The following ADGRA3 variants were observed in gnomAD, a reference collection of about 807,000 sequenced individuals.
ADGRA3 encodes the protein G-protein coupled receptor 125.
In ADGRA3, 56 loss-of-function variants were observed where a neutral mutation model predicts 119.8. The observed-to-expected ratio is 0.47, with a 90% CI of 0.38 to 0.58. The LOEUF (loss-of-function observed/expected upper bound fraction) is 0.58. ADGRA3 is among the 20% of genes least tolerant of loss of function. The pLI, the probability that ADGRA3 is intolerant of heterozygous loss-of-function variation, is 0.00. For synonymous variants in ADGRA3, 607 were observed against 623.8 expected (o/e 0.97, Z 0.40); for missense variants, 1,516 against 1,649.0 (o/e 0.92, Z 1.40).
chr4:22,464,385 T>G (rs576468907), intron 2 of ADGRA3, among the ~76,000 whole-genome samples: 26 of 152,304 alleles, frequency 1.7e-4, no homozygotes, highest in African/African-American at 5.8e-4. Flanking sequence ...ATTTAAATGG[T>G]CAGAAAAGGT....
chr4:22,515,364 G>A (rs750854210), intron 1 of ADGRA3, 164 bp downstream of exon 1: 3 of 769,836 alleles, frequency 3.9e-6, no homozygotes, highest in Non-Finnish European at 5.6e-6. Context: ...GCCTTTCCCT[G>A]AACTGCACCC....
intron 1 of ADGRA3, among the ~76,000 whole-genome samples, chr4:22,505,058 A>T (rs370209232): frequency 6.6e-6 from 1 of 152,170 alleles, no homozygotes; most frequent in South Asian, 2.1e-4. Flanking sequence ...GCCTAGTGCA[A>T]AGCGCTCTGG....
chr4:22,398,876 C>T (rs1464630296), intron 16 of ADGRA3, among the ~76,000 whole-genome samples: 1 of 152,142 alleles, frequency 6.6e-6, no homozygotes, highest in Admixed American at 6.5e-5. Flanking sequence ...CACGTGCACA[C>T]AGGCAAGGTT....
chr4:22,417,476 C>T (rs1715475816), intron 12 of ADGRA3, among the ~76,000 whole-genome samples: 1 of 152,162 alleles, frequency 6.6e-6, no homozygotes, highest in African/African-American at 2.4e-5. Flanking sequence ...ACTTAATCCT[C>T]TCAACAACCC....
intron 1 of ADGRA3, among the ~76,000 whole-genome samples, chr4:22,508,933 G>A (rs188794254): frequency 3.9e-5 from 6 of 152,116 alleles, no homozygotes; most frequent in Admixed American, 2.0e-4. Context: ...TAGAAGCAAC[G>A]GGGCCAAAAT....
At chr4:22,483,191 A>C (rs752667354) in intron 1 of ADGRA3, among the ~76,000 whole-genome samples, 3 of 151,618 alleles carry the variant, frequency 2.0e-5, no homozygotes, top group Non-Finnish European at 1.5e-5. Flanking sequence ...TTCTCTCTTT[A>C]TTTTTCATAG....
At chr4:22,497,060 C>T (rs1050468371) in intron 1 of ADGRA3, among the ~76,000 whole-genome samples, 4 of 152,068 alleles carry the variant, frequency 2.6e-5, no homozygotes, top group African/African-American at 9.7e-5. Context: ...ACTTTTGGGG[C>T]GAATCATAAC....
At chr4:22,427,687 G>C (rs989666639) in intron 10 of ADGRA3, among the ~76,000 whole-genome samples, 2 of 152,106 alleles carry the variant, frequency 1.3e-5, no homozygotes, top group Non-Finnish European at 2.9e-5. Context: ...GGCAAAAAGT[G>C]ACACAAAAGG....
At chr4:22,428,782 G>C (rs866975081) in intron 10 of ADGRA3, among the ~76,000 whole-genome samples, 3 of 152,162 alleles carry the variant, frequency 2.0e-5, no homozygotes, top group Non-Finnish European at 4.4e-5. Flanking sequence ...CTGGCTTTAC[G>C]TGCCACAGGA....
chr4:22,394,061 G>A (rs1475956258), intron 16 of ADGRA3: 1 of 152,132 alleles, frequency 6.6e-6, no homozygotes, highest in African/African-American at 2.4e-5. Flanking sequence ...GGAGTATCAA[G>A]GACATAATCC....
At chr4:22,450,951 AATATAT>A (rs1310599032) in intron 4 of ADGRA3, among the ~76,000 whole-genome samples, 147 of 122,796 alleles carry the variant, frequency 1.2e-3, no homozygotes, top group African/African-American at 4.8e-3. Context: ...AAAAAAAAAA[AATATAT>A]ATATATATAT....
chr4:22,393,028 C>CTTT (rs1162697142), intron 16 of ADGRA3: 3 of 138,840 alleles, frequency 2.2e-5, no homozygotes, highest in Non-Finnish European at 4.7e-5. Context: ...AGTTCATTTT[C>CTTT]TTTTTTTTTT....
intron 17 of ADGRA3, among the ~76,000 whole-genome samples, chr4:22,392,154 T>C (rs76646784): frequency 0.076 from 11,518 of 152,284 alleles, 492 homozygotes; most frequent in African/African-American, 0.11. Context: ...ACAAGTCTTC[T>C]TGTCCTTTGC....
intron 1 of ADGRA3, among the ~76,000 whole-genome samples, chr4:22,499,875 G>A (rs1465126360): frequency 1.3e-5 from 2 of 152,158 alleles, no homozygotes; most frequent in African/African-American, 4.8e-5. Flanking sequence ...AAAATTCTCA[G>A]TTACAGGTTG....
At chr4:22,392,948 A>G (rs1400535875) in intron 16 of ADGRA3, 2 of 352,848 alleles carry the variant, frequency 5.7e-6, no homozygotes, top group African/African-American at 2.1e-5. Flanking sequence ...GACCCTTAAT[A>G]CAGGACAGAA....
chr4:22,406,468 T>C lies in ADGRA3; in HGVS notation c.2233-3669A>G, dbSNP rs573365787. Among the ~76,000 whole-genome samples the C allele has an allele frequency of 5.4e-4, 82 of 152,112 alleles. 1 individual carries two copies. The highest frequency in any genetic ancestry group is 9.6e-4 in the Non-Finnish European group (65 of 67,986). On this transcript the variant is annotated intron_variant, in intron 14 of 18. Transcript: ENST00000334304. ...ATGTATAAGAGTTCTCTTCTCCACA[T>C]TCTGTTATTTTTTGTCTTTTTGATA...
rs559182569 is a variant in ADGRA3, at chr4:22,484,810, T to C, written c.258-10967A>G. On this transcript the variant is annotated intron_variant, in intron 1 of 18. Coordinates refer to ENST00000334304, the MANE Select transcript of ADGRA3 (RefSeq NM_145290.4). ...GATCTCTGGCTCCCTCGCTGAAAAG[T>C]TGTTTGGAAATAAGCATCTGACTGT... Among the ~76,000 whole-genome samples, 135 of 152,154 alleles carry C rather than the reference T, an allele frequency of 8.9e-4. 1 individual carries two copies. The South Asian group carries it at 0.027, about 30-fold the overall frequency.
chr4:22,492,647 A>G (rs1457638591), intron 1 of ADGRA3, among the ~76,000 whole-genome samples: 3 of 152,228 alleles, frequency 2.0e-5, no homozygotes, highest in Non-Finnish European at 4.4e-5. Flanking sequence ...CATAAGAAAC[A>G]GTGGAGGTGT....
intron 4 of ADGRA3, among the ~76,000 whole-genome samples, chr4:22,453,001 A>T (rs534069292): frequency 6.6e-6 from 1 of 151,914 alleles, no homozygotes; most frequent in African/African-American, 2.4e-5. Context: ...GTCTAAGACC[A>T]GCCTGGCCAA....
Sources: allele counts gnomAD v4.1 joint callset (sites outside exome capture counted in the v4.1 genomes callset), GRCh38; gene constraint gnomAD v4.1.1; transcripts MANE v1.5; gene names NCBI Gene and HGNC (gene_info 2026-07-23, HGNC 2026-07-21).